Variants in OCIAD2 observed in about 807,000 individuals in gnomAD.
OCIAD2 encodes the protein OCIA domain-containing protein 2.
OCIAD2 carries 29 observed loss-of-function variants against 22.9 expected under a neutral mutation model. The ratio of observed to expected loss-of-function variants is 1.27; its 90% CI spans 0.94 to 1.73. The LOEUF (loss-of-function observed/expected upper bound fraction) is 1.73. Ranked by LOEUF, OCIAD2 falls within the 40% of genes most tolerant of loss-of-function variation. The pLI, the probability that OCIAD2 is intolerant of heterozygous loss-of-function variation, is 0.00. For missense variants in OCIAD2, 189 were observed against 180.3 expected, an observed-to-expected ratio of 1.05 and a Z score of -0.28; for synonymous variants, 67 against 60.2, an observed-to-expected ratio of 1.11 and a Z score of -0.52.
intron 2 of OCIAD2, among the ~76,000 whole-genome samples, chr4:48,901,371 G>C (rs763213931): frequency 4.6e-5 from 7 of 152,074 alleles, no homozygotes; most frequent in Non-Finnish European, 1.0e-4. Context: ...AGTCTTGCTA[G>C]ACCGCTCTCA....
At chr4:48,889,175 A>G (rs1781086964) in intron 6 of OCIAD2, among the ~76,000 whole-genome samples, 1 of 152,168 alleles carries the variant, frequency 6.6e-6, no homozygotes, top group Non-Finnish European at 1.5e-5. Context: ...CTGTGGGATC[A>G]GTGGTGATAT....
chr4:48,903,314 C>G (rs1294216311), intron 2 of OCIAD2, among the ~76,000 whole-genome samples: 1 of 152,124 alleles, frequency 6.6e-6, no homozygotes, highest in Admixed American at 6.6e-5. Flanking sequence ...CACCTGTCAG[C>G]AGCATAGGAT....
rs140617297 is a variant in OCIAD2 at position 48,904,410 on chromosome 4, C to A, written c.66+74G>T. ...ACTGCAGTGAGCCATGACTGCACCA[C>A]TGCACTCCAGTCTGGGTGACAGTGT... is the stretch of plus-strand genomic sequence containing the variant. On this transcript the variant is annotated intron_variant, in intron 2 of 6. Coordinates refer to ENST00000508632, the MANE Select transcript of OCIAD2 (RefSeq NM_001014446.3). 974 of 1,300,654 alleles carry A rather than the reference C, an allele frequency of 7.5e-4. 7 individuals carry two copies. The African/African-American group carries it at 0.013, about 17-fold the overall frequency. 80.6% of individuals were successfully genotyped at this position (1,300,654 alleles called of 1,614,324 possible). A position where few individuals can be genotyped will look rare whatever the true frequency, so the allele number is the denominator to read the frequency against.
chr4:48,889,096 TTTC>T (rs1440769533), intron 6 of OCIAD2, among the ~76,000 whole-genome samples: 20 of 152,354 alleles, frequency 1.3e-4, no homozygotes, highest in Admixed American at 3.9e-4. Context: ...AATTTATCCA[TTTC>T]TTCTAGATTT....
At chr4:48,904,321 G>A (rs986580815) in intron 2 of OCIAD2, among the ~76,000 whole-genome samples, 163 bp downstream of exon 2, 1 of 152,124 alleles carries the variant, frequency 6.6e-6, no homozygotes, top group African/African-American at 2.4e-5. Context: ...ATGTGGGCCT[G>A]CACCTGTCAT....
chr4:48,893,873 G>A (rs1185942860), intron 5 of OCIAD2, 133 bp downstream of exon 5: 1 of 405,896 alleles, frequency 2.5e-6, no homozygotes, highest in Non-Finnish European at 4.5e-6. Context: ...ATAGATACAA[G>A]GTTTCACCAT....
intron 2 of OCIAD2, among the ~76,000 whole-genome samples, chr4:48,900,174 C>T (rs1781386188): frequency 6.6e-6 from 1 of 152,192 alleles, no homozygotes; most frequent in African/African-American, 2.4e-5. Context: ...AGCAGATTTG[C>T]AGGCAGCAGA....
At chr4:48,899,606 A>G (rs7700082) in intron 3 of OCIAD2, among the ~76,000 whole-genome samples, 1 of 152,188 alleles carries the variant, frequency 6.6e-6, no homozygotes, top group East Asian at 1.9e-4. Flanking sequence ...GGAAGAGTTA[A>G]GTGTGCATCA....
At chr4:48,904,438 G>A (rs1427550539) in intron 2 of OCIAD2, 46 bp downstream of exon 2, 1 of 1,526,834 alleles carries the variant, frequency 6.5e-7, no homozygotes, top group Admixed American at 1.7e-5. Flanking sequence ...GACAGTGTGA[G>A]ATCGTGTCTC....
At position 48,885,414 on chromosome 4, in the gene OCIAD2, G is replaced by A. The variant is rs1780951968; in HGVS notation, c.*70C>T. 1.2e-6 allele frequency: 1 copy of A among 837,494 alleles called. No individual in the cohort carries two copies. Among genetic ancestry groups the A allele is most frequent in the African/African-American group, 1.7e-5 (1 of 58,958 alleles). 51.9% of individuals were successfully genotyped at this position (837,494 alleles called of 1,614,324 possible). A position where few individuals can be genotyped will look rare whatever the true frequency, so the allele number is the denominator to read the frequency against. On this transcript the variant is annotated 3_prime_UTR_variant, in exon 7 of 7. Transcript: ENST00000508632. ...TCCATTAGAAGTATTTTATTTTAAA[G>A]TACACTTGAAATTTTAAATGTGTAC...
chr4:48,903,420 T>A (rs1781460344), intron 2 of OCIAD2, among the ~76,000 whole-genome samples: 2 of 152,138 alleles, frequency 1.3e-5, no homozygotes. Context: ...GAGGATCATT[T>A]GAGCTCAGGA....
intron 6 of OCIAD2, 64 bp downstream of exon 6, chr4:48,892,708 G>A: frequency 1.2e-6 from 1 of 811,124 alleles, no homozygotes; most frequent in Non-Finnish European, 1.9e-6. Flanking sequence ...TATAAATAGT[G>A]AGTAATCTTT....
intron 6 of OCIAD2, among the ~76,000 whole-genome samples, chr4:48,885,943 G>C (rs1394075937): frequency 6.6e-6 from 1 of 152,194 alleles, no homozygotes; most frequent in Non-Finnish European, 1.5e-5. Context: ...CATCCCATTT[G>C]TCAATTTCGG....
chr4:48,904,395 G>T, intron 2 of OCIAD2, 89 bp downstream of exon 2: 1 of 1,113,980 alleles, frequency 9.0e-7, no homozygotes, highest in Non-Finnish European at 1.4e-6. Context: ...ACTGCAGTGA[G>T]CCATGACTGC....
chr4:48,897,779 T>A lies in OCIAD2; in HGVS notation c.217+25A>T, dbSNP rs756864948. 1.0e-5 allele frequency: 16 copies of A among 1,574,080 alleles called. No individual in the cohort carries two copies. In the East Asian group the frequency reaches 3.6e-4, roughly 35 times the overall value. ...GTAAACTGGGCTCTCTGAAATTAGA[T>A]TATTTAACAAATATTGAATCTTACC... On this transcript the variant is annotated intron_variant, in intron 4 of 6. Transcript: ENST00000508632.
At chr4:48,890,713 C>T (rs1781145949) in intron 6 of OCIAD2, among the ~76,000 whole-genome samples, 1 of 152,148 alleles carries the variant, frequency 6.6e-6, no homozygotes, top group Non-Finnish European at 1.5e-5. Flanking sequence ...ACAAATTCAA[C>T]AAACATTTAC....
chr4:48,895,321 C>A (rs1411250534), intron 4 of OCIAD2, among the ~76,000 whole-genome samples: 1 of 152,180 alleles, frequency 6.6e-6, no homozygotes, highest in Non-Finnish European at 1.5e-5. Flanking sequence ...AATGTATTAG[C>A]ATAGATGCAA....
chr4:48,893,933 C>A, intron 5 of OCIAD2, 73 bp downstream of exon 5: 1 of 904,648 alleles, frequency 1.1e-6, no homozygotes, highest in Admixed American at 2.5e-5. Context: ...CTACCCACCT[C>A]AGCCTCCCAA....
chr4:48,889,948 C>CT (rs1412334832), intron 6 of OCIAD2, among the ~76,000 whole-genome samples: 2 of 152,080 alleles, frequency 1.3e-5, no homozygotes, highest in African/African-American at 4.8e-5. Context: ...GAGCTCATGT[C>CT]CTTTGCAGGG....
Sources: gnomAD v4.1 joint callset for allele counts (sites outside exome capture counted in the v4.1 genomes callset) on GRCh38, gnomAD v4.1.1 for gene constraint, MANE v1.5 for transcripts, NCBI Gene and HGNC (gene_info 2026-07-23, HGNC 2026-07-21) for gene names.